Variants in KATNBL1 observed in about 807,000 individuals in gnomAD.
KATNBL1 encodes the protein katanin regulatory subunit B1 like 1.
Under a neutral mutation model 44.7 loss-of-function variants are expected in KATNBL1, and 28 were observed. That is an observed-to-expected ratio of 0.63 (90% CI 0.46 to 0.86). The LOEUF is 0.86. Ranked by LOEUF, KATNBL1 falls within the 40% of genes least tolerant of loss-of-function variation. The pLI, the probability that KATNBL1 is intolerant of heterozygous loss-of-function variation, is 0.00. For missense variants in KATNBL1, 272 were observed against 350.7 expected (o/e 0.78, Z 1.79); for synonymous variants, 78 against 114.9 (o/e 0.68, Z 2.06).
At chr15:34,184,576 C>CTTTTCTTTTTTT (rs760395860) in intron 1 of KATNBL1, among the ~76,000 whole-genome samples, 1,892 of 95,118 alleles carry the variant, frequency 0.02, 292 homozygotes, top group African/African-American at 0.067. Flanking sequence ...CCTAATGTTT[C>CTTTTCTTTTTTT]TTTTTTTTTT....
intron 1 of KATNBL1, among the ~76,000 whole-genome samples, chr15:34,175,364 A>T (rs1331183272): frequency 6.6e-6 from 1 of 152,206 alleles, no homozygotes; most frequent in Non-Finnish European, 1.5e-5. Context: ...TCAGTGCTCA[A>T]AAAGCCTTGG....
chr15:34,197,958 G>A (rs986314340), intron 1 of KATNBL1, among the ~76,000 whole-genome samples: 1 of 152,076 alleles, frequency 6.6e-6, no homozygotes, highest in African/African-American at 2.4e-5. Context: ...ATGTTAGCCA[G>A]GCTGGTCTCA....
chr15:34,184,978 T>C (rs574215835), intron 1 of KATNBL1, among the ~76,000 whole-genome samples: 4 of 152,242 alleles, frequency 2.6e-5, no homozygotes, highest in South Asian at 2.1e-4. Flanking sequence ...ATCTTCCTCT[T>C]TGAAACACTT....
chr15:34,151,436 C>CTTT lies in KATNBL1; in HGVS notation c.438+1351_438+1353dup, dbSNP rs58824450. The stretch of plus-strand genomic sequence containing the variant: ...AAGTGTCTATTGTGTCCTTTGCCTA[C>CTTT]TTTTTTTTTTTTTTTTTTTTTTTTT... On this transcript the variant is annotated intron_variant, in intron 4 of 9. Transcript: ENST00000256544. 4.7e-3 allele frequency among the ~76,000 whole-genome samples: 287 copies of CTTT among 60,602 alleles called. 18 individuals are homozygous for CTTT. The highest frequency in any genetic ancestry group is 0.014 in the Middle Eastern group (1 of 74). 39.8% of individuals were successfully genotyped at this position (60,602 alleles called of 152,430 possible).
chr15:34,163,460 GAATT>G, intron 2 of KATNBL1, 96 bp downstream of exon 2: 1 of 1,364,906 alleles, frequency 7.3e-7, no homozygotes, highest in Admixed American at 2.8e-5. Flanking sequence ...AGATTAAGCA[GAATT>G]ATTATCCTCC....
At chr15:34,193,646 G>GT (rs1272745867) in intron 1 of KATNBL1, among the ~76,000 whole-genome samples, 1 of 152,002 alleles carries the variant, frequency 6.6e-6, no homozygotes, top group Non-Finnish European at 1.5e-5. Flanking sequence ...GAGCCCAGGA[G>GT]TTTGAGACCT....
At chr15:34,181,906 G>C (rs1304169753) in intron 1 of KATNBL1, among the ~76,000 whole-genome samples, 3 of 136,716 alleles carry the variant, frequency 2.2e-5, no homozygotes, top group Non-Finnish European at 3.2e-5. Context: ...GAGGAGAAAG[G>C]GTTTTGCTGG....
In KATNBL1 at chr15:34,163,575, A is replaced by G; in HGVS notation, c.102T>C (p.Asn34=). 1.3e-6 allele frequency: 2 copies of G among 1,594,556 alleles called. No individual in the cohort carries two copies. The highest frequency in any genetic ancestry group is 1.7e-6 in the Non-Finnish European group (2 of 1,175,264). ...LPRKKISNFT[N]KNMKEVKKSP... ...ATAGACTTACCTCCTTCATGTTCTT[A>G]TTAGTGAAATTAGAGATCTTTTTTC... Residue 34 remains asparagine (N), a synonymous_variant, in exon 2 of 10, where the codon AAT becomes AAC. Transcript: ENST00000256544.
intron 2 of KATNBL1, among the ~76,000 whole-genome samples, chr15:34,158,260 G>C (rs77066404): frequency 1.4e-3 from 206 of 152,274 alleles, no homozygotes; most frequent in African/African-American, 4.7e-3. Context: ...AGATGAGAGA[G>C]GTCTCTCATA....
chr15:34,183,609 C>A (rs1275483854), intron 1 of KATNBL1, among the ~76,000 whole-genome samples: 1 of 151,992 alleles, frequency 6.6e-6, no homozygotes, highest in Non-Finnish European at 1.5e-5. Flanking sequence ...GAAAAACCTG[C>A]AGACAATAAA....
At chr15:34,181,757 T>TGTCC in intron 1 of KATNBL1, among the ~76,000 whole-genome samples, 1 of 138,248 alleles carries the variant, frequency 7.2e-6, no homozygotes, top group African/African-American at 2.7e-5. Flanking sequence ...TCCATATATA[T>TGTCC]ATCCATATAT....
rs963550767 is a variant in KATNBL1 at position 34,146,846 on chromosome 15, C to A, written c.703G>T (p.Val235Phe). ...SLLKSKFEEY[V>F]IVGLNWLQAV... ...TGAAGCCAGTTTAAACCAACTATAA[C>A]ATATCTGAAATGACATTTTGTTACA... The change falls in exon 8 of 10, where the codon GTT (valine) becomes TTT (phenylalanine). Residue 235 changes from valine to phenylalanine, a missense_variant. By Grantham distance (50) the Val-to-Phe change is conservative. Transcript: ENST00000256544. 2 of 1,583,548 alleles carry A rather than the reference C, an allele frequency of 1.3e-6. No homozygotes were observed. The highest frequency in any genetic ancestry group is 2.7e-5 in the African/African-American group (2 of 74,422).
At chr15:34,195,060 G>A (rs1440212233) in intron 1 of KATNBL1, among the ~76,000 whole-genome samples, 7 of 152,100 alleles carry the variant, frequency 4.6e-5, no homozygotes, top group African/African-American at 1.4e-4. Flanking sequence ...AACTAAAAAC[G>A]GAACCACTAT....
At chr15:34,144,512 TA>T (rs1304855247) in intron 9 of KATNBL1, among the ~76,000 whole-genome samples, 1 of 151,524 alleles carries the variant, frequency 6.6e-6, no homozygotes, top group Non-Finnish European at 1.5e-5. Flanking sequence ...GGTAATAAAG[TA>T]AAAGTATTTC....
At chr15:34,167,957 A>G (rs1472146129) in intron 1 of KATNBL1, among the ~76,000 whole-genome samples, 1 of 152,230 alleles carries the variant, frequency 6.6e-6, no homozygotes, top group Non-Finnish European at 1.5e-5. Context: ...ATGGTTACGA[A>G]CAACCAGTAC....
intron 1 of KATNBL1, among the ~76,000 whole-genome samples, chr15:34,193,127 G>A (rs1276737235): frequency 1.4e-5 from 2 of 144,558 alleles, no homozygotes; most frequent in African/African-American, 5.1e-5. Context: ...TGAGGCAGGA[G>A]AATGGCGTCA....
chr15:34,190,544 G>A (rs1252772915), intron 1 of KATNBL1, among the ~76,000 whole-genome samples: 1 of 152,136 alleles, frequency 6.6e-6, no homozygotes, highest in Admixed American at 6.5e-5. Flanking sequence ...AGAATCCAGA[G>A]CTTTCCACAT....
At chr15:34,200,844 G>A (rs917053712) in intron 1 of KATNBL1, among the ~76,000 whole-genome samples, 15 of 151,556 alleles carry the variant, frequency 9.9e-5, no homozygotes, top group Admixed American at 4.6e-4. Flanking sequence ...TTGAGACAGC[G>A]TCTTGCTCTG....
At chr15:34,195,442 G>A (rs1271526986) in intron 1 of KATNBL1, among the ~76,000 whole-genome samples, 1 of 152,138 alleles carries the variant, frequency 6.6e-6, no homozygotes, top group Non-Finnish European at 1.5e-5. Flanking sequence ...GTAGGGGTGG[G>A]AGAAAGGTGG....
Sources: allele counts gnomAD v4.1 joint callset (sites outside exome capture counted in the v4.1 genomes callset), GRCh38; gene constraint gnomAD v4.1.1; transcripts MANE v1.5; gene names NCBI Gene and HGNC (gene_info 2026-07-23, HGNC 2026-07-21).